KCNT1: variants seen among roughly 807,000 people sequenced by gnomAD.
The protein encoded by KCNT1 is potassium sodium-activated channel subfamily T member 1.
Under a neutral mutation model 147.8 loss-of-function variants are expected in KCNT1, and 78 were observed. The ratio of observed to expected loss-of-function variants is 0.53; its 90% CI spans 0.44 to 0.64. KCNT1 has a LOEUF of 0.64. Ranked by LOEUF, KCNT1 falls within the 30% of genes least tolerant of loss-of-function variation. The pLI, the probability that KCNT1 is intolerant of heterozygous loss-of-function variation, is 0.00. For synonymous variants in KCNT1, 867 were observed against 748.8 expected (o/e 1.16, Z -2.58); for missense variants, 1,419 against 1,750.3 (o/e 0.81, Z 3.38).
rs370155559 is a variant in KCNT1, at chr9:135,772,776, C to T, written c.2070C>T (p.Gly690=). ...EHRPTQSGGG[G]GGSKLALPTE... is the part of the protein sequence containing the mutation. ...GGCCTACGCAGAGCGGCGGTGGGGGCGGGGGCAGCAAGCTGGCACTGCCCA... is the reference window on the plus strand; with the variant it reads ...GGCCTACGCAGAGCGGCGGTGGGGGTGGGGGCAGCAAGCTGGCACTGCCCA... Residue 690 remains glycine, a synonymous_variant, in exon 19 of 31, where the codon GGC becomes GGT. Transcript: ENST00000371757. The T allele has an allele frequency of 1.0e-4, 154 of 1,485,860 alleles. No individual in the cohort carries two copies. In the African/African-American group the frequency reaches 1.2e-3, roughly 11 times the overall value. The allele number at this position is 1,485,860 out of a possible 1,614,324, so 92.0% of individuals were successfully genotyped here.
At chr9:135,716,589 A>G (rs1354278064) in intron 2 of KCNT1, among the ~76,000 whole-genome samples, 5 of 152,080 alleles carry the variant, frequency 3.3e-5, no homozygotes, top group Admixed American at 6.6e-5. Flanking sequence ...ACTGGGACTC[A>G]CTCCCCAATG....
At chr9:135,718,958 A>G (rs1169487914) in intron 2 of KCNT1, among the ~76,000 whole-genome samples, 1 of 152,178 alleles carries the variant, frequency 6.6e-6, no homozygotes. Context: ...GAGGAAGTGG[A>G]CAGAGTTGGG....
intron 20 of KCNT1, among the ~76,000 whole-genome samples, chr9:135,775,678 G>A (rs1420540296): frequency 6.6e-6 from 1 of 152,136 alleles, no homozygotes; most frequent in African/African-American, 2.4e-5. Flanking sequence ...GAACAGGTTG[G>A]AGCCACCACA....
At chr9:135,756,752 T>C in intron 6 of KCNT1, 121 bp from the exon 7 acceptor site, 1 of 844,288 alleles carries the variant, frequency 1.2e-6, no homozygotes, top group Non-Finnish European at 2.0e-6. Context: ...GGAGTGAGGG[T>C]CAAGGCAGAC....
chr9:135,750,827 TG>T, intron 3 of KCNT1, 114 bp from the exon 4 acceptor site: 1 of 881,418 alleles, frequency 1.1e-6, no homozygotes, highest in Non-Finnish European at 1.9e-6. Context: ...AGCCCGGGTG[TG>T]GGAGGGGAGC....
At chr9:135,740,428 C>T (rs1156497669) in intron 2 of KCNT1, among the ~76,000 whole-genome samples, 1 of 152,210 alleles carries the variant, frequency 6.6e-6, no homozygotes, top group Non-Finnish European at 1.5e-5. Flanking sequence ...TCCACTCTTC[C>T]CCCAGTCAGC....
chr9:135,726,127 G>A (rs867162830), intron 2 of KCNT1, among the ~76,000 whole-genome samples: 64 of 152,232 alleles, frequency 4.2e-4, no homozygotes, highest in African/African-American at 1.3e-3. Context: ...GCCTGCAGTC[G>A]TGGGGGCAGG....
At chr9:135,720,641 G>C (rs1045545688) in intron 2 of KCNT1, among the ~76,000 whole-genome samples, 2 of 152,166 alleles carry the variant, frequency 1.3e-5, no homozygotes. Flanking sequence ...CTTGGGGCTG[G>C]GGGCGGGGGT....
chr9:135,760,438 C>T (rs962644836), intron 11 of KCNT1, among the ~76,000 whole-genome samples: 5 of 152,198 alleles, frequency 3.3e-5, no homozygotes, highest in Non-Finnish European at 5.9e-5. Flanking sequence ...CTGGAGGGAC[C>T]CTGCTATTGG....
At position 135,758,444 on chromosome 9, in the gene KCNT1, C is replaced by T. The variant is rs1277700294; in HGVS notation, c.790C>T (p.Gln264Ter). The change falls in exon 10 of 31, where the codon CAG becomes TAG. Residue 264 changes from glutamine (Q) to a stop codon, truncating the protein, a stop_gained. Coordinates refer to ENST00000371757, the MANE Select transcript of KCNT1 (RefSeq NM_020822.3). LOFTEE classifies it high-confidence loss of function. ...NDFHRAILRT[Q>*]SAMFNQVLIL... is the part of the protein sequence containing the mutation. ...CTTCCACCGTGCCATCCTGCGGACA[C>T]AGTCAGCCATGTTCAACCAGGTCCT... The T allele has an allele frequency of 6.2e-7, 1 of 1,613,594 alleles. No individual in the cohort carries two copies. Among genetic ancestry groups the T allele is most frequent in the Non-Finnish European group, 8.5e-7 (1 of 1,179,966 alleles).
rs562000741 is a variant in KCNT1, at chr9:135,792,236, G to A, written c.*75G>A. 114 of 1,518,854 alleles carry A rather than the reference G, an allele frequency of 7.5e-5. 2 individuals are homozygous for A. The South Asian group carries it at 1.2e-3, about 16-fold the overall frequency. The allele number at this position is 1,518,854 out of a possible 1,614,324, so 94.1% of individuals were successfully genotyped here. On this transcript the variant is annotated 3_prime_UTR_variant, in exon 31 of 31. Coordinates refer to ENST00000371757, the MANE Select transcript of KCNT1 (RefSeq NM_020822.3). ...GACGTGGAGGAGCGTGTGAGGACAC[G>A]GTGGCACTAGCGTGACCCTGGGGAT...
intron 2 of KCNT1, among the ~76,000 whole-genome samples, chr9:135,748,322 C>T (rs1588304823): frequency 3.3e-5 from 5 of 152,220 alleles, no homozygotes; most frequent in South Asian, 4.2e-4. Flanking sequence ...CCCTCCCGCC[C>T]GCCCCACAGC....
intron 2 of KCNT1, among the ~76,000 whole-genome samples, chr9:135,732,408 C>T (rs567626675): frequency 4.6e-5 from 7 of 152,264 alleles, no homozygotes; most frequent in South Asian, 2.1e-4. Context: ...ACCCTTCCTC[C>T]GGTGCCTGGA....
rs148162797 is a variant in KCNT1 at position 135,772,926 on chromosome 9, C to G, written c.2220C>G (p.Asp740Glu). 3.3e-4 allele frequency: 502 copies of G among 1,518,882 alleles called. 10 individuals are homozygous for G. The South Asian group carries it at 4.2e-3, about 13-fold the overall frequency. 94.1% of individuals were successfully genotyped at this position (1,518,882 alleles called of 1,614,324 possible). ...DQSEDEVTPS[D>E]DEGLSVVEYV... ...CGGAGGATGAGGTGACGCCGTCGGA[C>G]GACGAGGGGCTCTCCGTGGTAGAGT... The change falls in exon 19 of 31, where the codon GAC (aspartate) becomes GAG (glutamate). Residue 740 changes from aspartate to glutamate, a missense_variant. By Grantham distance (45) the Asp-to-Glu change is conservative. This residue lies in a region of KCNT1 where 284 missense variants were observed against 292.8 expected (regional missense o/e 0.97). Coordinates refer to ENST00000371757, the MANE Select transcript of KCNT1 (RefSeq NM_020822.3).
intron 2 of KCNT1, among the ~76,000 whole-genome samples, chr9:135,715,914 G>A (rs562660494): frequency 3.3e-5 from 5 of 152,188 alleles, no homozygotes; most frequent in Admixed American, 6.5e-5. Context: ...GGGAGTGAGC[G>A]TCCTGCAGAG....
chr9:135,784,778 C>G lies in KCNT1; in HGVS notation c.3045C>G (p.Gly1015=). ...GYLCAMKITE[G]DLWIRTYGRL... The stretch of plus-strand genomic sequence containing the variant: ...CCCTGCAGATGAAAATCACCGAGGG[C>G]GACCTGTGGATCCGCACGTACGGCC... Residue 1015 remains glycine (G), a synonymous_variant, in exon 27 of 31, where the codon GGC becomes GGG. Transcript: ENST00000371757. The G allele has an allele frequency of 1.2e-6, 2 of 1,612,640 alleles. No homozygotes were observed. The highest frequency in any genetic ancestry group is 1.7e-6 in the Non-Finnish European group (2 of 1,179,890).
At position 135,765,174 on chromosome 9, in the gene KCNT1, C is replaced by A. The variant is rs1832174053; in HGVS notation, c.1179C>A (p.Phe393Leu). 6.2e-7 allele frequency: 1 copy of A among 1,612,516 alleles called. No homozygotes were observed. The highest frequency in any genetic ancestry group is 8.5e-7 in the Non-Finnish European group (1 of 1,179,192). Residue 393 changes from phenylalanine (F) to leucine (L), a missense_variant, in exon 12 of 31, where the codon TTC becomes TTA. Phe to Leu is a conservative substitution (Grantham distance 22, BLOSUM62 0). Around this residue, in one of 5 missense-constraint regions of KCNT1, gnomAD observed 401 missense variants for 610.6 expected, o/e 0.66. Coordinates refer to ENST00000371757, the MANE Select transcript of KCNT1 (RefSeq NM_020822.3). ...IDLLMDFLNE[F>L]YAHPRLQDYY... Reference sequence around the variant, plus strand: ...TTCTCATGGACTTCCTGAACGAGTTCTACGCCCACCCCCGGCTCCAGGTGA... The same window carrying A: ...TTCTCATGGACTTCCTGAACGAGTTATACGCCCACCCCCGGCTCCAGGTGA...
At position 135,772,812 on chromosome 9, in the gene KCNT1, C is replaced by T. The variant is rs1156771931; in HGVS notation, c.2106C>T (p.Gly702=). ...GSKLALPTEN[G]SGSRRPSIAP... ...AGCTGGCACTGCCCACGGAGAACGGCTCGGGCAGCCGGCGGCCCAGCATCG... is the reference window on the plus strand; with the variant it reads ...AGCTGGCACTGCCCACGGAGAACGGTTCGGGCAGCCGGCGGCCCAGCATCG... The change falls in exon 19 of 31, where the codon GGC becomes GGT. Residue 702 remains glycine (G), a synonymous_variant. Coordinates refer to ENST00000371757, the MANE Select transcript of KCNT1 (RefSeq NM_020822.3). 3 of 1,517,112 alleles carry T rather than the reference C, an allele frequency of 2.0e-6. No homozygotes were observed. In the East Asian group the frequency reaches 7.5e-5, roughly 38 times the overall value. The allele number at this position is 1,517,112 out of a possible 1,614,324, so 94.0% of individuals were successfully genotyped here.
intron 2 of KCNT1, among the ~76,000 whole-genome samples, chr9:135,717,887 G>A (rs539363276): frequency 1.3e-5 from 2 of 152,344 alleles, no homozygotes; most frequent in East Asian, 3.9e-4. Flanking sequence ...CTCCATGGTA[G>A]GGTTGGGTGA....
Sources: gnomAD v4.1 joint callset for allele counts (sites outside exome capture counted in the v4.1 genomes callset) on GRCh38, gnomAD v4.1.1 for gene constraint, gnomAD v4.1.1 regional missense constraint, MANE v1.5 for transcripts, NCBI Gene and HGNC (gene_info 2026-07-23, HGNC 2026-07-21) for gene names.